TXLNB: variants seen among roughly 807,000 people sequenced by gnomAD.
TXLNB encodes taxilin beta, also known as beta-taxilin.
In TXLNB, 37 loss-of-function variants were observed where a neutral mutation model predicts 57.4. The ratio of observed to expected loss-of-function variants is 0.64; its 90% confidence interval spans 0.50 to 0.85. TXLNB has a LOEUF of 0.85. TXLNB is among the 40% of genes least tolerant of loss of function. TXLNB has a pLI of 0.00. For synonymous variants in TXLNB, 302 were observed against 309.6 expected (o/e 0.98, Z 0.26); for missense variants, 848 against 825.6 (o/e 1.03, Z -0.33).
the TXLNB span, among the ~76,000 whole-genome samples, chr6:139,206,149 C>A: frequency 1.3e-5 from 2 of 152,158 alleles, no homozygotes; most frequent in South Asian, 2.1e-4. Context: ...CACTACCAAA[C>A]CGGCACTACA....
chr6:139,173,886 T>G, the TXLNB span, among the ~76,000 whole-genome samples: 4 of 152,188 alleles, frequency 2.6e-5, no homozygotes, highest in African/African-American at 4.8e-5. Flanking sequence ...ACAAGGATAG[T>G]TAACAGTAAT....
intron 2 of TXLNB, among the ~76,000 whole-genome samples, chr6:139,279,903 G>A (rs1777000432): frequency 6.6e-6 from 1 of 152,194 alleles, no homozygotes; most frequent in South Asian, 2.1e-4. Context: ...CTGTGTAGCA[G>A]ACACAGCGCT....
downstream of TXLNB, among the ~76,000 whole-genome samples, chr6:139,236,311 C>T (rs2114386058): frequency 6.6e-6 from 1 of 152,208 alleles, no homozygotes; most frequent in South Asian, 2.1e-4. Flanking sequence ...AACACTCAAC[C>T]CTAGATGCTG....
chr6:139,216,367 C>T, the TXLNB span, among the ~76,000 whole-genome samples: 674 of 150,576 alleles, frequency 4.5e-3, 7 homozygotes, highest in Non-Finnish European at 6.5e-3. Context: ...AGCAAACTAT[C>T]GCAAGGACAA....
chr6:139,286,680 TCA>T (rs1777184127), intron 2 of TXLNB, among the ~76,000 whole-genome samples: 1 of 152,172 alleles, frequency 6.6e-6, no homozygotes, highest in African/African-American at 2.4e-5. Context: ...TCCCCATCAC[TCA>T]CATTACCACC....
the TXLNB span, among the ~76,000 whole-genome samples, chr6:139,160,971 G>C: frequency 6.6e-6 from 1 of 152,150 alleles, no homozygotes; most frequent in South Asian, 2.1e-4. Flanking sequence ...CTAATCAGGA[G>C]CAGACCTGGC....
chr6:139,256,140 C>G (rs951585407), intron 6 of TXLNB, among the ~76,000 whole-genome samples: 2 of 152,152 alleles, frequency 1.3e-5, no homozygotes, highest in African/African-American at 4.8e-5. Flanking sequence ...GTTGGATTCT[C>G]AACTATAAAC....
At position 139,281,441 on chromosome 6, in the gene TXLNB, C is replaced by T. The variant is rs1583025736; in HGVS notation, c.425-4520G>A. ...GTGTTTTCTTGTCAGATTTTGTTCCCTTTGGCTGACATTTTCTATCTCTTA... is the reference window on the plus strand; with the variant it reads ...GTGTTTTCTTGTCAGATTTTGTTCCTTTTGGCTGACATTTTCTATCTCTTA... On this transcript the variant is annotated intron_variant, in intron 2 of 9. Coordinates refer to ENST00000358430, the MANE Select transcript of TXLNB (RefSeq NM_153235.4). 2.0e-5 allele frequency among the ~76,000 whole-genome samples: 3 copies of T among 151,138 alleles called. No individual in the cohort carries two copies. In the South Asian group the frequency reaches 6.3e-4, roughly 32 times the overall value.
At chr6:139,246,447 G>A (rs1011437764) in intron 8 of TXLNB, among the ~76,000 whole-genome samples, 3 of 152,144 alleles carry the variant, frequency 2.0e-5, no homozygotes, top group Non-Finnish European at 2.9e-5. Flanking sequence ...AGTTCTGATG[G>A]CTGATTTTGT....
chr6:139,171,612 C>G, the TXLNB span, among the ~76,000 whole-genome samples: 4 of 152,124 alleles, frequency 2.6e-5, no homozygotes, highest in Non-Finnish European at 5.9e-5. Flanking sequence ...ACACATTCTT[C>G]TATTTTTCTT....
chr6:139,233,084 A>G, the TXLNB span, among the ~76,000 whole-genome samples: 1 of 151,998 alleles, frequency 6.6e-6, no homozygotes, highest in East Asian at 1.9e-4. Context: ...AATATATAAA[A>G]TTTTACTACA....
chr6:139,221,005 A>C, the TXLNB span, among the ~76,000 whole-genome samples: 1 of 152,210 alleles, frequency 6.6e-6, no homozygotes, highest in Admixed American at 6.5e-5. Context: ...GCATCCAAGA[A>C]CTAGGAGAAC....
chr6:139,212,987 T>G, the TXLNB span, among the ~76,000 whole-genome samples: 1 of 152,128 alleles, frequency 6.6e-6, no homozygotes, highest in African/African-American at 2.4e-5. Flanking sequence ...AGCAAGTCCT[T>G]AGTGACCTAC....
At chr6:139,244,495 C>T in intron 9 of TXLNB, 100 bp downstream of exon 9, 2 of 835,130 alleles carry the variant, frequency 2.4e-6, no homozygotes, top group Non-Finnish European at 4.0e-6. Context: ...CTCTTTTTCA[C>T]ACATAACCAT....
upstream of TXLNB, among the ~76,000 whole-genome samples, chr6:139,293,702 A>G (rs1344523717): frequency 6.6e-6 from 1 of 151,980 alleles, no homozygotes; most frequent in African/African-American, 2.4e-5. Context: ...TGTCCTACTT[A>G]TTCTCTGAGT....
chr6:139,263,521 A>G (rs1776538798), intron 4 of TXLNB, among the ~76,000 whole-genome samples: 1 of 152,136 alleles, frequency 6.6e-6, no homozygotes, highest in African/African-American at 2.4e-5. Flanking sequence ...GAAACATCTA[A>G]TTTTCCTTCT....
the TXLNB span, among the ~76,000 whole-genome samples, chr6:139,172,794 C>T: frequency 6.6e-6 from 1 of 152,228 alleles, no homozygotes; most frequent in African/African-American, 2.4e-5. Flanking sequence ...CTGTAAGCCT[C>T]ACTTCCTACT....
the TXLNB span, among the ~76,000 whole-genome samples, chr6:139,195,901 C>T: frequency 2.0e-5 from 3 of 151,952 alleles, no homozygotes; most frequent in African/African-American, 7.3e-5. Flanking sequence ...CTGAGGTGAA[C>T]TAAAGATGAC....
chr6:139,273,270 C>A (rs1357670629), intron 3 of TXLNB, among the ~76,000 whole-genome samples: 1 of 152,072 alleles, frequency 6.6e-6, no homozygotes, highest in South Asian at 2.1e-4. Flanking sequence ...TGCCCAATTG[C>A]GACACCCCAA....
Sources: allele counts gnomAD v4.1 joint callset (sites outside exome capture counted in the v4.1 genomes callset), GRCh38; gene constraint gnomAD v4.1.1; transcripts MANE v1.5; gene names NCBI Gene and HGNC (gene_info 2026-07-23, HGNC 2026-07-21).